NRXN3: variants seen among roughly 807,000 people sequenced by gnomAD.
The protein encoded by NRXN3 is neurexin 3.
A neutral mutation model predicts 137.6 loss-of-function variants in NRXN3; 32 were observed. That is an observed-to-expected ratio of 0.23 (90% confidence interval 0.18 to 0.31). NRXN3 has a LOEUF of 0.31. NRXN3 is among the 10% of genes least tolerant of loss of function. NRXN3 has a pLI of 1.00. For synonymous variants in NRXN3, 798 were observed against 784.5 expected, an observed-to-expected ratio of 1.02 and a Z score of -0.29; for missense variants, 1,574 against 2,062.5, an observed-to-expected ratio of 0.76 and a Z score of 4.59.
At chr14:78,734,206 AACACAC>A (rs10563958) in intron 8 of NRXN3, among the ~76,000 whole-genome samples, 47,606 of 137,570 alleles carry the variant, frequency 0.35, 8,053 homozygotes, top group Admixed American at 0.42. Flanking sequence ...CTGCATCTGA[AACACAC>A]ACACACACAC....
intron 19 of NRXN3, among the ~76,000 whole-genome samples, chr14:79,731,570 A>C (rs2098922699): frequency 6.6e-6 from 1 of 152,158 alleles, no homozygotes; most frequent in African/African-American, 2.4e-5. Flanking sequence ...AAGCTAAGAA[A>C]ATCTGAACTC....
At chr14:79,708,247 C>CACTT (rs61700776) in intron 19 of NRXN3, among the ~76,000 whole-genome samples, 17,251 of 152,066 alleles carry the variant, frequency 0.11, 1,141 homozygotes, top group East Asian at 0.28. Context: ...ATTTACCTAG[C>CACTT]ACTTACATTG....
At chr14:79,110,246 G>A (rs1251614394) in intron 15 of NRXN3, among the ~76,000 whole-genome samples, 1 of 152,206 alleles carries the variant, frequency 6.6e-6, no homozygotes, top group Non-Finnish European at 1.5e-5. Flanking sequence ...CACATTGTAC[G>A]TTCCAAGAGG....
chr14:78,683,621 A>T (rs2152748897), intron 6 of NRXN3, among the ~76,000 whole-genome samples: 1 of 152,346 alleles, frequency 6.6e-6, no homozygotes, highest in South Asian at 2.1e-4. Flanking sequence ...AAGTGGAGCA[A>T]GATTCCGCAG....
chr14:78,523,538 G>A (rs563007332), intron 4 of NRXN3, among the ~76,000 whole-genome samples: 1 of 150,762 alleles, frequency 6.6e-6, no homozygotes, highest in Non-Finnish European at 1.5e-5. Context: ...GGTGGCTCAC[G>A]CCTGTAATCC....
At chr14:78,850,778 A>C (rs2099040432) in intron 10 of NRXN3, among the ~76,000 whole-genome samples, 1 of 152,130 alleles carries the variant, frequency 6.6e-6, no homozygotes, top group Admixed American at 6.6e-5. Flanking sequence ...TGGATTTTTC[A>C]GGGGTAAACA....
At chr14:78,679,451 T>G (rs2098049370) in intron 6 of NRXN3, among the ~76,000 whole-genome samples, 1 of 152,224 alleles carries the variant, frequency 6.6e-6, no homozygotes, top group Admixed American at 6.5e-5. Flanking sequence ...AAACCTTATA[T>G]TATTCAGCTT....
intron 6 of NRXN3, among the ~76,000 whole-genome samples, chr14:78,683,382 A>G (rs2098095150): frequency 6.6e-6 from 1 of 152,192 alleles, no homozygotes. Flanking sequence ...CATCCGAATT[A>G]GCTTGTGGTC....
chr14:78,514,784 C>T (rs1397426156), intron 4 of NRXN3, among the ~76,000 whole-genome samples: 1 of 152,072 alleles, frequency 6.6e-6, no homozygotes, highest in Non-Finnish European at 1.5e-5. Flanking sequence ...AAGGGTCAAA[C>T]ACCATTGTAG....
At chr14:79,356,755 T>G (rs2093438034) in intron 15 of NRXN3, among the ~76,000 whole-genome samples, 1 of 151,884 alleles carries the variant, frequency 6.6e-6, no homozygotes, top group Admixed American at 6.6e-5. Flanking sequence ...TGAAATGGAG[T>G]CTGGCTCTGT....
At chr14:78,987,928 A>T in intron 14 of NRXN3, 94 bp from the exon 15 acceptor site, 1 of 1,388,168 alleles carries the variant, frequency 7.2e-7, no homozygotes. Flanking sequence ...GGGGCATGAG[A>T]ATGGTAAATT....
chr14:79,729,302 T>G lies in NRXN3; in HGVS notation c.4014+31365T>G, dbSNP rs117802059. Among the ~76,000 whole-genome samples the G allele has an allele frequency of 2.5e-3, 377 of 152,320 alleles. 8 individuals are homozygous for G. The East Asian group carries it at 0.04, about 16-fold the overall frequency. Reference sequence around the variant, plus strand: ...ATATTGTGTTACTCCCAATATGTGGTTCCCATATTTGGATTCAAGTTTTTC... The same window carrying G: ...ATATTGTGTTACTCCCAATATGTGGGTCCCATATTTGGATTCAAGTTTTTC... On this transcript the variant is annotated intron_variant, in intron 19 of 20. Coordinates refer to ENST00000335750, the MANE Select transcript of NRXN3 (RefSeq NM_001330195.2).
chr14:78,398,731 C>A (rs186124835), intron 4 of NRXN3, among the ~76,000 whole-genome samples: 1 of 152,220 alleles, frequency 6.6e-6, no homozygotes, highest in South Asian at 2.1e-4. Flanking sequence ...GACATAACCC[C>A]GAGGGGATGG....
intron 4 of NRXN3, among the ~76,000 whole-genome samples, chr14:78,485,419 C>T (rs1026213223): frequency 6.6e-6 from 1 of 152,146 alleles, no homozygotes; most frequent in African/African-American, 2.4e-5. Flanking sequence ...TCTTTTATAT[C>T]GTCTTCAGAT....
At position 79,563,663 on chromosome 14, in the gene NRXN3, TAA is replaced by T. The variant is rs5809943; in HGVS notation, c.3444+96276_3444+96277del. ...GGGATGAGCTTCCCACAAATAATGT[TAA>T]AAAAAAAAAAAAAAGGAGAAAGCAT... On this transcript the variant is annotated intron_variant, in intron 16 of 20. Transcript: ENST00000335750. Among the ~76,000 whole-genome samples the T allele has an allele frequency of 3.9e-3, 558 of 142,084 alleles. 3 individuals are homozygous for T. Among genetic ancestry groups the T allele is most frequent in the Admixed American group, 4.5e-3 (65 of 14,290 alleles). 93.2% of individuals were successfully genotyped at this position (142,084 alleles called of 152,430 possible). A position where few individuals can be genotyped will look rare whatever the true frequency, so the allele number is the denominator to read the frequency against.
At chr14:79,366,622 C>T (rs2153427511) in intron 15 of NRXN3, among the ~76,000 whole-genome samples, 1 of 152,236 alleles carries the variant, frequency 6.6e-6, no homozygotes, top group Middle Eastern at 3.4e-3. Context: ...TTCCATAGCT[C>T]ACTAATTTTG....
At chr14:79,007,321 T>G (rs1172342940) in intron 15 of NRXN3, among the ~76,000 whole-genome samples, 1 of 152,154 alleles carries the variant, frequency 6.6e-6, no homozygotes, top group African/African-American at 2.4e-5. Context: ...GCTGCATTGT[T>G]GATTGCAGTT....
At chr14:79,359,281 AGGGTGG>A in intron 15 of NRXN3, among the ~76,000 whole-genome samples, 1 of 152,268 alleles carries the variant, frequency 6.6e-6, no homozygotes, top group Non-Finnish European at 1.5e-5. Flanking sequence ...CTTCAGAGTA[AGGGTGG>A]GGGTGACTGT....
At chr14:78,334,664 T>C (rs1215526861) in intron 4 of NRXN3, among the ~76,000 whole-genome samples, 1 of 152,172 alleles carries the variant, frequency 6.6e-6, no homozygotes, top group East Asian at 1.9e-4. Flanking sequence ...AAAAACTTCT[T>C]ACTAGCAAAG....
Sources: gnomAD v4.1 joint callset for allele counts (sites outside exome capture counted in the v4.1 genomes callset) on GRCh38, gnomAD v4.1.1 for gene constraint, MANE v1.5 for transcripts, NCBI Gene and HGNC (gene_info 2026-07-23, HGNC 2026-07-21) for gene names.